SULF2: variants seen among roughly 807,000 people sequenced by gnomAD.
SULF2 encodes sulfatase 2.
A neutral mutation model predicts 107.7 loss-of-function variants in SULF2; 52 were observed. The ratio of observed to expected loss-of-function variants is 0.48; its 90% CI spans 0.39 to 0.61. SULF2 has a LOEUF of 0.61. Ranked by LOEUF, SULF2 falls within the 20% of genes least tolerant of loss-of-function variation. The probability of loss-of-function intolerance (pLI) is 0.00; values close to 1 mark genes in which losing one functional copy is unlikely to be tolerated. For missense variants in SULF2, 993 were observed against 1,177.3 expected (o/e 0.84, Z 2.29); for synonymous variants, 460 against 464.3 (o/e 0.99, Z 0.12).
intron 3 of SULF2, among the ~76,000 whole-genome samples, chr20:47,715,781 C>T (rs2089098954): frequency 6.6e-6 from 1 of 152,092 alleles, no homozygotes; most frequent in African/African-American, 2.4e-5. Context: ...AGGGTTTCAC[C>T]ATGTTGGCCA....
chr20:47,709,720 G>A (rs982574391), intron 3 of SULF2, among the ~76,000 whole-genome samples: 5 of 152,022 alleles, frequency 3.3e-5, no homozygotes, highest in African/African-American at 9.7e-5. Context: ...AACTGAAGCT[G>A]CTGGCAGCCA....
chr20:47,741,903 C>A (rs997309777), intron 2 of SULF2, among the ~76,000 whole-genome samples: 1 of 152,214 alleles, frequency 6.6e-6, no homozygotes, highest in Non-Finnish European at 1.5e-5. Flanking sequence ...GCCTCCAGAA[C>A]CATTTCTTGT....
At chr20:47,773,164 A>G (rs988969118) in intron 1 of SULF2, among the ~76,000 whole-genome samples, 2 of 152,186 alleles carry the variant, frequency 1.3e-5, no homozygotes, top group Non-Finnish European at 2.9e-5. Flanking sequence ...AGCACCTACT[A>G]TGTGCCACAT....
At chr20:47,698,135 G>A (rs908520527) in intron 4 of SULF2, among the ~76,000 whole-genome samples, 2 of 152,250 alleles carry the variant, frequency 1.3e-5, no homozygotes, top group Non-Finnish European at 2.9e-5. Context: ...ATGACCTGTC[G>A]GAGGCAGAGG....
Position 47,736,919 on chromosome 20 carries a change from T to C in SULF2, c.199A>G (p.Thr67Ala), listed in dbSNP as rs780265559. ...ELGSMQVMNK[T>A]RRIMEQGGAH... ...CCGCCCTGCTCCATGATGCGCCGGG[T>C]CTTGTTCATCACCTGCATGGAACCT... The change falls in exon 3 of 21, where the codon ACC becomes GCC. Residue 67 changes from threonine to alanine, a missense_variant. Coordinates refer to ENST00000688720, the MANE Select transcript of SULF2 (RefSeq NM_001387048.1). 9.3e-6 allele frequency: 15 copies of C among 1,614,154 alleles called. No homozygotes were observed. Among genetic ancestry groups the C allele is most frequent in the Non-Finnish European group, 1.3e-5 (15 of 1,180,008 alleles).
chr20:47,679,959 GTCT>G (rs2087770516), intron 7 of SULF2, among the ~76,000 whole-genome samples: 1 of 147,954 alleles, frequency 6.8e-6, no homozygotes, highest in Non-Finnish European at 1.5e-5. Context: ...CTGGCTTATT[GTCT>G]ATTGCCCAGT....
At chr20:47,776,404 G>A (rs116317542) in intron 1 of SULF2, among the ~76,000 whole-genome samples, 8 of 152,290 alleles carry the variant, frequency 5.3e-5, no homozygotes, top group African/African-American at 1.9e-4. Context: ...AACGGGGTTG[G>A]AAGATCCCCA....
At chr20:47,687,940 G>A (rs1461782054) in intron 5 of SULF2, among the ~76,000 whole-genome samples, 1 of 151,880 alleles carries the variant, frequency 6.6e-6, no homozygotes, top group Non-Finnish European at 1.5e-5. Flanking sequence ...TTCATTGTGT[G>A]TATCTGCTTG....
At chr20:47,701,966 G>A (rs946716273) in intron 4 of SULF2, among the ~76,000 whole-genome samples, 5 of 152,190 alleles carry the variant, frequency 3.3e-5, no homozygotes, top group Non-Finnish European at 1.5e-5. Context: ...TACACTCTGT[G>A]TATGTACTTT....
chr20:47,684,524 C>G lies in SULF2; in HGVS notation c.795G>C (p.Thr265=). The change falls in exon 6 of 21, where the codon ACG becomes ACC. Residue 265 remains threonine (T), a synonymous_variant. Transcript: ENST00000688720. ...NPDKHWIMRY[T]GPMKPIHMEF... ...CCATGTGGATGGGCTTCATGGGCCCCGTGTAGCGCATGATCCAGTGTTTGT... is the reference window on the plus strand; with the variant it reads ...CCATGTGGATGGGCTTCATGGGCCCGGTGTAGCGCATGATCCAGTGTTTGT... The G allele has an allele frequency of 4.3e-6, 7 of 1,614,064 alleles. No homozygotes were observed. The highest frequency in any genetic ancestry group is 5.9e-6 in the Non-Finnish European group (7 of 1,179,972).
At chr20:47,707,586 G>C (rs2088787473) in intron 3 of SULF2, among the ~76,000 whole-genome samples, 2 of 152,156 alleles carry the variant, frequency 1.3e-5, no homozygotes, top group Admixed American at 1.3e-4. Flanking sequence ...GTGGCTGCCA[G>C]CTGACTTCCC....
intron 2 of SULF2, among the ~76,000 whole-genome samples, chr20:47,752,258 C>G (rs1376210911): frequency 6.6e-6 from 1 of 152,158 alleles, no homozygotes; most frequent in East Asian, 1.9e-4. Flanking sequence ...AGGTATTCCT[C>G]ACAAGAATGC....
intron 4 of SULF2, among the ~76,000 whole-genome samples, chr20:47,697,809 G>A (rs2088434358): frequency 6.6e-6 from 1 of 152,278 alleles, no homozygotes; most frequent in South Asian, 2.1e-4. Context: ...TGAGCACCCC[G>A]GGATAACTTG....
At chr20:47,759,480 T>C (rs1382729014) in intron 1 of SULF2, among the ~76,000 whole-genome samples, 1 of 152,116 alleles carries the variant, frequency 6.6e-6, no homozygotes, top group Non-Finnish European at 1.5e-5. Flanking sequence ...TCACCTGAGG[T>C]CAGGAGTTCG....
At chr20:47,688,760 G>C (rs2088099993) in intron 5 of SULF2, among the ~76,000 whole-genome samples, 1 of 152,254 alleles carries the variant, frequency 6.6e-6, no homozygotes, top group Admixed American at 6.5e-5. Context: ...CTCCTCCCCA[G>C]AGATCAGGGG....
At chr20:47,711,196 T>C (rs2088917033) in intron 3 of SULF2, among the ~76,000 whole-genome samples, 1 of 152,194 alleles carries the variant, frequency 6.6e-6, no homozygotes, top group Non-Finnish European at 1.5e-5. Flanking sequence ...AACACGCTGT[T>C]CCTCCCAGCA....
intron 3 of SULF2, among the ~76,000 whole-genome samples, chr20:47,734,816 AT>A (rs1243245633): frequency 1.3e-5 from 2 of 152,238 alleles, no homozygotes; most frequent in Non-Finnish European, 2.9e-5. Context: ...CCCAGTCTTC[AT>A]GAGGGTATAA....
chr20:47,680,839 G>C lies in SULF2; in HGVS notation c.1065-2035C>G, dbSNP rs1568806742. On this transcript the variant is annotated intron_variant, in intron 7 of 20. Coordinates refer to ENST00000688720, the MANE Select transcript of SULF2 (RefSeq NM_001387048.1). The surrounding 1 kb of genome is among the most constrained non-coding windows in gnomAD (Gnocchi z 4.2). Reference sequence around the variant, plus strand: ...GCTCAGGGGAAGGAGGACAGTGGTTGCTTTTCCTGGCCAGCACCAATGCCT... The same window carrying C: ...GCTCAGGGGAAGGAGGACAGTGGTTCCTTTTCCTGGCCAGCACCAATGCCT... Among the ~76,000 whole-genome samples the C allele has an allele frequency of 6.6e-6, 1 of 152,330 alleles. No homozygotes were observed. The highest frequency in any genetic ancestry group is 1.9e-4 in the East Asian group (1 of 5,182).
intron 2 of SULF2, among the ~76,000 whole-genome samples, chr20:47,746,147 A>T (rs1447052399): frequency 2.6e-5 from 4 of 152,216 alleles, no homozygotes; most frequent in African/African-American, 9.7e-5. Context: ...GCACGTGCCT[A>T]GCCCTGTGGG....
Sources: gnomAD v4.1 joint callset for allele counts (sites outside exome capture counted in the v4.1 genomes callset) on GRCh38, gnomAD v4.1.1 for gene constraint, Gnocchi (gnomAD v3.1) non-coding constraint, MANE v1.5 for transcripts, NCBI Gene and HGNC (gene_info 2026-07-23, HGNC 2026-07-21) for gene names.